Variants in TANGO2 observed in about 807,000 individuals in gnomAD.
TANGO2 encodes transport and golgi organization 2 homolog, also known as transport and Golgi organization protein 2 homolog.
Under a neutral mutation model 39.1 loss-of-function variants are expected in TANGO2, and 26 were observed. The ratio of observed to expected loss-of-function variants is 0.67; its 90% CI spans 0.49 to 0.92. TANGO2 has a LOEUF of 0.92. Ranked by LOEUF, TANGO2 falls within the 40% of genes least tolerant of loss-of-function variation. The pLI is 0.00. For missense variants in TANGO2, 326 were observed against 360.1 expected (o/e 0.91, Z 0.77); for synonymous variants, 131 against 144.5 (o/e 0.91, Z 0.67).
chr22:20,042,522 C>T (rs911231077), intron 2 of TANGO2, among the ~76,000 whole-genome samples: 3 of 152,094 alleles, frequency 2.0e-5, no homozygotes, highest in African/African-American at 4.8e-5. Flanking sequence ...TCCTCCGCCT[C>T]GGAGGCCGAG....
At chr22:20,017,494 C>T (rs1341208445), upstream of TANGO2, among the ~76,000 whole-genome samples, 1 of 152,150 alleles carries the variant, frequency 6.6e-6, no homozygotes, top group East Asian at 1.9e-4. Flanking sequence ...GCTCACCTCC[C>T]CCACCAGGCC....
rs942044133 is a variant in TANGO2 at position 20,057,835 on chromosome 22, C to A, written c.451+1822C>A. 6.6e-6 allele frequency among the ~76,000 whole-genome samples: 1 copy of A among 152,158 alleles called. No individual in the cohort carries two copies. The highest frequency in any genetic ancestry group is 1.5e-5 in the Non-Finnish European group (1 of 68,028). On this transcript the variant is annotated intron_variant, in intron 6 of 8. Transcript: ENST00000327374. The surrounding 1 kb of genome is among the most constrained non-coding windows in gnomAD (Gnocchi z 4.1). ...AGCAGTCAGAGACTCCCTACCACCCCCTCACTGTGAACATTGGCCCAGCGG... is the reference window on the plus strand; with the variant it reads ...AGCAGTCAGAGACTCCCTACCACCCACTCACTGTGAACATTGGCCCAGCGG...
At chr22:20,039,491 T>C (rs957899555) in intron 2 of TANGO2, among the ~76,000 whole-genome samples, 2 of 151,880 alleles carry the variant, frequency 1.3e-5, no homozygotes, top group African/African-American at 4.8e-5. Context: ...TAGCCTGGCA[T>C]GGTGGCGCAC....
intron 6 of TANGO2, chr22:20,056,390 C>A (rs1425528520): frequency 2.0e-6 from 1 of 490,126 alleles, no homozygotes; most frequent in Non-Finnish European, 4.0e-6. Flanking sequence ...TGGTCTGCTC[C>A]CTGACGCACA....
chr22:20,051,361 G>A (rs761467163), intron 3 of TANGO2, among the ~76,000 whole-genome samples: 7 of 151,586 alleles, frequency 4.6e-5, no homozygotes, highest in Non-Finnish European at 7.4e-5. Context: ...GAGAAACTCC[G>A]TTTCTACTAA....
chr22:20,056,009 G>T lies in TANGO2; in HGVS notation c.447G>T (p.Thr149=). The T allele has an allele frequency of 6.2e-7, 1 of 1,613,690 alleles. No homozygotes were observed. Among genetic ancestry groups the T allele is most frequent in the Non-Finnish European group, 8.5e-7 (1 of 1,179,580 alleles). ...GGGAGCCTGATCCTATCGTTTTGAC[G>T]CCAGGTGAGCCTGCCCTGGCAGCCT... is the stretch of plus-strand genomic sequence containing the variant. The part of the protein sequence containing the change: ...NRGEPDPIVL[T]PGTYGLSNAL... Residue 149 remains threonine, a synonymous_variant, in exon 6 of 9, where the codon ACG becomes ACT. Coordinates refer to ENST00000327374, the MANE Select transcript of TANGO2 (RefSeq NM_152906.7).
intron 8 of TANGO2, among the ~76,000 whole-genome samples, 188 bp from the exon 9 acceptor site, chr22:20,064,354 A>G (rs573089846): frequency 6.6e-6 from 1 of 152,276 alleles, no homozygotes; most frequent in Non-Finnish European, 1.5e-5. Context: ...GCCAGCCAAG[A>G]GCTCACACGC....
At chr22:20,035,995 A>G (rs1208860123) in intron 1 of TANGO2, among the ~76,000 whole-genome samples, 1 of 152,126 alleles carries the variant, frequency 6.6e-6, no homozygotes, top group East Asian at 1.9e-4. Context: ...ACCCGAACCA[A>G]AGAAGTTCAG....
chr22:20,061,412 A>G, intron 6 of TANGO2, 118 bp from the exon 7 acceptor site: 2 of 1,234,160 alleles, frequency 1.6e-6, no homozygotes, highest in Admixed American at 5.2e-5. Flanking sequence ...GCTTGGCCTC[A>G]GTCTGGCCTG....
chr22:20,040,455 G>A (rs1055698364), intron 2 of TANGO2, among the ~76,000 whole-genome samples: 1 of 152,094 alleles, frequency 6.6e-6, no homozygotes, highest in Non-Finnish European at 1.5e-5. Context: ...TGGCTCCCCC[G>A]ACCCCTGTTC....
upstream of TANGO2, among the ~76,000 whole-genome samples, chr22:20,020,005 C>G (rs916294323): frequency 6.6e-6 from 1 of 152,228 alleles, no homozygotes; most frequent in Non-Finnish European, 1.5e-5. Flanking sequence ...AGACTCTTGC[C>G]GTTGCTGATT....
intron 3 of TANGO2, among the ~76,000 whole-genome samples, chr22:20,051,912 C>A (rs1311229596): frequency 1.3e-5 from 2 of 151,778 alleles, no homozygotes; most frequent in African/African-American, 4.8e-5. Flanking sequence ...TTTTTTGCCC[C>A]AATCTTTGGG....
chr22:20,034,635 G>C (rs1181709229), intron 1 of TANGO2, among the ~76,000 whole-genome samples: 1 of 152,172 alleles, frequency 6.6e-6, no homozygotes, highest in Non-Finnish European at 1.5e-5. Flanking sequence ...CATAACCCCT[G>C]GGGGTGGCTG....
rs571098207 is a variant in TANGO2 at position 20,047,238 on chromosome 22, T to G, written c.145+3795T>G. Reference sequence around the variant, plus strand: ...TCAGTTTTTTGGTTTGTTTGTTTTTTTTTTTTTTTTTTGAGACAGAGTTTC... The same window carrying G: ...TCAGTTTTTTGGTTTGTTTGTTTTTGTTTTTTTTTTTTGAGACAGAGTTTC... On this transcript the variant is annotated intron_variant, in intron 3 of 8. Transcript: ENST00000327374. Among the ~76,000 whole-genome samples the G allele has an allele frequency of 3.1e-3, 467 of 150,778 alleles. 5 individuals are homozygous for G. Among genetic ancestry groups the G allele is most frequent in the African/African-American group, 0.01 (423 of 41,150 alleles).
At chr22:20,036,731 C>T (rs1044996773) in intron 1 of TANGO2, 29 bp from the exon 2 acceptor site, 15 of 1,599,482 alleles carry the variant, frequency 9.4e-6, no homozygotes, top group Middle Eastern at 1.7e-4. Flanking sequence ...CTGCCATCCG[C>T]TCAACTCAGT....
intron 2 of TANGO2, among the ~76,000 whole-genome samples, chr22:20,038,841 G>A (rs1167843510): frequency 1.3e-5 from 2 of 152,064 alleles, no homozygotes; most frequent in Non-Finnish European, 2.9e-5. Context: ...CACTTTGGGA[G>A]GCCTCGTACA....
intron 5 of TANGO2, 37 bp from the exon 6 acceptor site, chr22:20,055,906 T>C: frequency 6.3e-7 from 1 of 1,578,384 alleles, no homozygotes; most frequent in Non-Finnish European, 8.7e-7. Context: ...GGACGCCCTA[T>C]GGCTGTAGTC....
At chr22:20,045,487 T>C (rs1198961133) in intron 3 of TANGO2, among the ~76,000 whole-genome samples, 1 of 148,482 alleles carries the variant, frequency 6.7e-6, no homozygotes, top group East Asian at 2.0e-4. Flanking sequence ...CATAAAAATT[T>C]GGCCATCACT....
At chr22:20,032,152 G>C (rs117170186) in intron 1 of TANGO2, among the ~76,000 whole-genome samples, 2 of 152,220 alleles carry the variant, frequency 1.3e-5, no homozygotes, top group Non-Finnish European at 2.9e-5. Flanking sequence ...GGTTGGACCC[G>C]CCCTGGCAGC....
Sources: gnomAD v4.1 joint callset for allele counts (sites outside exome capture counted in the v4.1 genomes callset) on GRCh38, gnomAD v4.1.1 for gene constraint, Gnocchi (gnomAD v3.1) non-coding constraint, MANE v1.5 for transcripts, NCBI Gene and HGNC (gene_info 2026-07-23, HGNC 2026-07-21) for gene names.